CHN1: variants seen among roughly 807,000 people sequenced by gnomAD.
CHN1 encodes chimerin 1.
CHN1 carries 37 observed loss-of-function variants against 59.5 expected under a neutral mutation model. That is an observed-to-expected ratio of 0.62 (90% CI 0.48 to 0.82). The LOEUF is 0.82. Among genes scored for constraint, CHN1 ranks in the 40% least tolerant of loss-of-function variants. The pLI is 0.00. For synonymous variants in CHN1, 206 were observed against 200.4 expected, an observed-to-expected ratio of 1.03 and a Z score of -0.24; for missense variants, 469 against 571.0, an observed-to-expected ratio of 0.82 and a Z score of 1.82.
At chr2:174,818,053 G>A (rs373706526) in intron 8 of CHN1, among the ~76,000 whole-genome samples, 3 of 152,194 alleles carry the variant, frequency 2.0e-5, no homozygotes, top group Non-Finnish European at 2.9e-5. Flanking sequence ...GATTATAGGC[G>A]TGAGTTACCA....
intron 1 of CHN1, among the ~76,000 whole-genome samples, chr2:174,954,842 A>C (rs1690138726): frequency 6.6e-6 from 1 of 152,148 alleles, no homozygotes; most frequent in South Asian, 2.1e-4. Context: ...TGTTGGTGGG[A>C]ATGTAAACTA....
chr2:174,962,193 G>A (rs1051952925), intron 1 of CHN1, among the ~76,000 whole-genome samples: 5 of 152,084 alleles, frequency 3.3e-5, no homozygotes, highest in Admixed American at 1.3e-4. Flanking sequence ...GCTGAGGCAG[G>A]AGAATCGCTT....
At chr2:174,871,807 G>A (rs987260765) in intron 6 of CHN1, among the ~76,000 whole-genome samples, 11 of 152,176 alleles carry the variant, frequency 7.2e-5, no homozygotes, top group Admixed American at 7.2e-4. Context: ...AGTTCTTTGA[G>A]ACAGGGCTTA....
chr2:174,910,403 A>G (rs1220680049), intron 5 of CHN1, among the ~76,000 whole-genome samples: 3 of 151,556 alleles, frequency 2.0e-5, no homozygotes, highest in African/African-American at 7.3e-5. Context: ...TTTTTTTTTT[A>G]ATTTCCAAGA....
At chr2:174,898,286 A>T (rs1272337015) in intron 5 of CHN1, among the ~76,000 whole-genome samples, 1 of 152,154 alleles carries the variant, frequency 6.6e-6, no homozygotes, top group Non-Finnish European at 1.5e-5. Context: ...GGAGAAAAAC[A>T]AACAACTATT....
At chr2:174,946,897 A>C (rs1192107695) in intron 2 of CHN1, among the ~76,000 whole-genome samples, 3 of 118,068 alleles carry the variant, frequency 2.5e-5, no homozygotes, top group African/African-American at 8.9e-5. Context: ...TCTCTAAAAA[A>C]TGTAAAAAAA....
chr2:174,961,119 GGGAAGGAA>G (rs1294601167), intron 1 of CHN1, among the ~76,000 whole-genome samples: 3 of 89,536 alleles, frequency 3.4e-5, no homozygotes, highest in African/African-American at 9.0e-5. Flanking sequence ...CACTGACGGA[GGGAAGGAA>G]GGAAGGGAGG....
intron 1 of CHN1, among the ~76,000 whole-genome samples, chr2:174,990,326 T>C (rs1051942445): frequency 2.6e-4 from 1 of 3,814 alleles, no homozygotes; most frequent in Non-Finnish European, 4.9e-4. Flanking sequence ...CGTGGGGGGG[T>C]GCGGGGGGGC....
chr2:174,917,613 T>C (rs952704420), intron 4 of CHN1, among the ~76,000 whole-genome samples: 1 of 152,072 alleles, frequency 6.6e-6, no homozygotes, highest in Non-Finnish European at 1.5e-5. Flanking sequence ...TTACTTCCAA[T>C]AGTATGGTTT....
chr2:174,872,629 A>T (rs1454269509), intron 6 of CHN1, among the ~76,000 whole-genome samples: 1 of 152,212 alleles, frequency 6.6e-6, no homozygotes, highest in East Asian at 1.9e-4. Flanking sequence ...AGCTATCACC[A>T]TATTATTAAA....
At chr2:174,818,731 T>C (rs1260456729) in intron 8 of CHN1, among the ~76,000 whole-genome samples, 1 of 152,148 alleles carries the variant, frequency 6.6e-6, no homozygotes, top group Non-Finnish European at 1.5e-5. Flanking sequence ...AAAATTCAAG[T>C]CACATTTTAT....
At chr2:174,950,735 T>C (rs1054600491) in intron 2 of CHN1, among the ~76,000 whole-genome samples, 8 of 151,274 alleles carry the variant, frequency 5.3e-5, no homozygotes, top group African/African-American at 1.7e-4. Context: ...CAAGTCAGAG[T>C]CAGGGAATAA....
intron 11 of CHN1, chr2:174,802,100 G>C (rs1311238285): frequency 3.2e-5 from 10 of 315,906 alleles, no homozygotes; most frequent in Non-Finnish European, 4.9e-5. Flanking sequence ...AATTGGACAT[G>C]GAATACAGGA....
chr2:174,898,623 C>T (rs778858652), intron 5 of CHN1, among the ~76,000 whole-genome samples: 3 of 151,926 alleles, frequency 2.0e-5, no homozygotes, highest in African/African-American at 7.2e-5. Context: ...AAGAAATTGT[C>T]GCTTCTTATC....
Position 174,810,481 on chromosome 2 carries a change from C to T in CHN1, c.964+1030G>A, listed in dbSNP as rs188175407. Among the ~76,000 whole-genome samples, 4 of 152,302 alleles carry T rather than the reference C, an allele frequency of 2.6e-5. No individual in the cohort carries two copies. The East Asian group carries it at 7.7e-4, about 29-fold the overall frequency. ...TGGGGTCCATAGGAACATTCAGTTTCTTTGTCAGTGTGAATTTATTTTTGA... is the reference window on the plus strand; with the variant it reads ...TGGGGTCCATAGGAACATTCAGTTTTTTTGTCAGTGTGAATTTATTTTTGA... On this transcript the variant is annotated intron_variant, in intron 10 of 12. Transcript: ENST00000409900.
chr2:174,991,438 G>A (rs994226616), intron 1 of CHN1, among the ~76,000 whole-genome samples: 2 of 152,194 alleles, frequency 1.3e-5, no homozygotes, highest in African/African-American at 2.4e-5. Context: ...TGTGTTTATA[G>A]ATACTGTTTA....
At chr2:174,812,000 C>T (rs989987284) in intron 9 of CHN1, 7 of 270,354 alleles carry the variant, frequency 2.6e-5, no homozygotes, top group African/African-American at 1.3e-4. Context: ...GCTTTTTGAA[C>T]CAAAGAAAAA....
At chr2:174,945,068 T>C (rs964905653) in intron 2 of CHN1, 125 bp from the exon 3 acceptor site, 14 of 672,554 alleles carry the variant, frequency 2.1e-5, no homozygotes, top group African/African-American at 5.5e-5. Context: ...TTTACTAAAT[T>C]GTGTTATGAA....
chr2:174,823,000 A>G (rs1685552299), intron 8 of CHN1, among the ~76,000 whole-genome samples: 1 of 152,234 alleles, frequency 6.6e-6, no homozygotes, highest in African/African-American at 2.4e-5. Flanking sequence ...CTAAGGGAAT[A>G]ATAACTGAAA....
Sources: allele counts gnomAD v4.1 joint callset (sites outside exome capture counted in the v4.1 genomes callset), GRCh38; gene constraint gnomAD v4.1.1; transcripts MANE v1.5; gene names NCBI Gene and HGNC (gene_info 2026-07-23, HGNC 2026-07-21).